ZFP36L1: variants seen among roughly 807,000 people sequenced by gnomAD.
ZFP36L1 encodes the protein ZFP36 like 1 zinc finger CCCH-type.
ZFP36L1 carries 4 observed loss-of-function variants against 16.7 expected under a neutral mutation model. The observed-to-expected ratio is 0.24, with a 90% CI of 0.12 to 0.55. The LOEUF (loss-of-function observed/expected upper bound fraction) is 0.55. ZFP36L1 is among the 20% of genes least tolerant of loss of function. ZFP36L1 has a pLI of 0.94. For synonymous variants in ZFP36L1, 220 were observed against 190.8 expected (o/e 1.15, Z -1.26); for missense variants, 311 against 449.2 (o/e 0.69, Z 2.78).
At position 68,789,304 on chromosome 14, in the gene ZFP36L1, A is replaced by G; in HGVS notation, c.*229T>C. ...GGTAAGTGGGCTATAAAATCCAGGG[A>G]GGGGGTTTCAAGCCAGAAGAAGCTA... On this transcript the variant is annotated 3_prime_UTR_variant, in exon 2 of 2. Transcript: ENST00000439696. This position sits in a 1 kb window ranked among gnomAD's most constrained non-coding sequence, Gnocchi z 4.5. 1.8e-6 allele frequency: 1 copy of G among 565,316 alleles called. No homozygotes were observed. Among genetic ancestry groups the G allele is most frequent in the Non-Finnish European group, 3.0e-6 (1 of 331,106 alleles). The allele number at this position is 565,316 out of a possible 1,614,324, so 35.0% of individuals were successfully genotyped here.
At chr14:68,791,100 G>A in intron 1 of ZFP36L1, 1 of 698,654 alleles carries the variant, frequency 1.4e-6, no homozygotes, top group Non-Finnish European at 2.6e-6. Flanking sequence ...TCTGAGGTTG[G>A]GGGAGACAGG....
chr14:68,790,616 C>CT, intron 1 of ZFP36L1, 124 bp from the exon 2 acceptor site: 1 of 1,349,676 alleles, frequency 7.4e-7, no homozygotes, highest in South Asian at 1.3e-5. Context: ...TACCTCGGCT[C>CT]TAGCAAGCTC....
upstream of ZFP36L1, among the ~76,000 whole-genome samples, chr14:68,795,179 G>A (rs1895214757): frequency 6.6e-6 from 1 of 152,222 alleles, no homozygotes; most frequent in Non-Finnish European, 1.5e-5. Context: ...CAGTTTCTTG[G>A]TGATGAGGTA....
rs1333318251 is a variant in ZFP36L1, at chr14:68,788,217, A to G, written c.*1316T>C. Reference sequence around the variant, plus strand: ...TAATATATTAAAACTGTGGAAAAAAAGGAAAAAGACACGTCACAAAATTTT... The same window carrying G: ...TAATATATTAAAACTGTGGAAAAAAGGGAAAAAGACACGTCACAAAATTTT... On this transcript the variant is annotated 3_prime_UTR_variant, in exon 2 of 2. Coordinates refer to ENST00000439696, the MANE Select transcript of ZFP36L1 (RefSeq NM_004926.4). 1 of 152,178 alleles carries G rather than the reference A, an allele frequency of 6.6e-6. No individual in the cohort carries two copies. Among genetic ancestry groups the G allele is most frequent in the Non-Finnish European group, 1.5e-5 (1 of 68,024 alleles). 9.4% of individuals were successfully genotyped at this position (152,178 alleles called of 1,614,324 possible).
Position 68,788,927 on chromosome 14 carries a change from A to AG in ZFP36L1, c.*605dup, listed in dbSNP as rs1894985373. 3 of 123,376 alleles carry AG rather than the reference A, an allele frequency of 2.4e-5. No individual in the cohort carries two copies. The highest frequency in any genetic ancestry group is 3.5e-5 in the Non-Finnish European group (2 of 57,644). The allele number at this position is 123,376 out of a possible 1,614,324, so 7.6% of individuals were successfully genotyped here. Reference sequence around the variant, plus strand: ...TCTGGCAACAACTCTTCCAAGGGGCAGGGGTGGGGGGGGTGGGGGGGCGGG... The same window carrying AG: ...TCTGGCAACAACTCTTCCAAGGGGCAGGGGGTGGGGGGGGTGGGGGGGCGGG... On this transcript the variant is annotated 3_prime_UTR_variant, in exon 2 of 2. Coordinates refer to ENST00000439696, the MANE Select transcript of ZFP36L1 (RefSeq NM_004926.4).
At position 68,793,045 on chromosome 14, in the gene ZFP36L1, G is replaced by A; in HGVS notation, c.-107C>T. 1 of 1,597,286 alleles carries A rather than the reference G, an allele frequency of 6.3e-7. No homozygotes were observed. The highest frequency in any genetic ancestry group is 1.1e-5 in the South Asian group (1 of 90,472). On this transcript the variant is annotated 5_prime_UTR_variant, in exon 1 of 2. Coordinates refer to ENST00000439696, the MANE Select transcript of ZFP36L1 (RefSeq NM_004926.4). Reference sequence around the variant, plus strand: ...CTGGAGTCCCACACGCCAGTTCCCGGCGCCCCTCGCCTTTCTGACTCCGGG... The same window carrying A: ...CTGGAGTCCCACACGCCAGTTCCCGACGCCCCTCGCCTTTCTGACTCCGGG...
At position 68,789,284 on chromosome 14, in the gene ZFP36L1, G is replaced by A. The variant is rs1480647618; in HGVS notation, c.*249C>T. 3 of 536,430 alleles carry A rather than the reference G, an allele frequency of 5.6e-6. No homozygotes were observed. The East Asian group carries it at 9.1e-5, about 16-fold the overall frequency. 33.2% of individuals were successfully genotyped at this position (536,430 alleles called of 1,614,324 possible). A position where few individuals can be genotyped will look rare whatever the true frequency, so the allele number is the denominator to read the frequency against. On this transcript the variant is annotated 3_prime_UTR_variant, in exon 2 of 2. Coordinates refer to ENST00000439696, the MANE Select transcript of ZFP36L1 (RefSeq NM_004926.4). This position sits in a 1 kb window ranked among gnomAD's most constrained non-coding sequence, Gnocchi z 4.5. The stretch of plus-strand genomic sequence containing the variant: ...GGGACTTGTCTGTTATGCATGGTAA[G>A]TGGGCTATAAAATCCAGGGAGGGGG...
upstream of ZFP36L1, among the ~76,000 whole-genome samples, chr14:68,795,118 G>C (rs1895213055): frequency 6.6e-6 from 1 of 152,198 alleles, no homozygotes; most frequent in African/African-American, 2.4e-5. Context: ...AGGGATGTTT[G>C]CTCGTTCCTT....
upstream of ZFP36L1, chr14:68,794,730 AAC>A (rs1159279987): frequency 2.0e-5 from 3 of 152,376 alleles, no homozygotes; most frequent in Non-Finnish European, 2.9e-5. Context: ...CACCACCCCC[AAC>A]ACACACTTTT....
rs1413002741 is a variant in ZFP36L1 at position 68,790,076 on chromosome 14, G to A, written c.474C>T (p.Cys158=). The A allele has an allele frequency of 6.2e-7, 1 of 1,611,756 alleles. No homozygotes were observed. The highest frequency in any genetic ancestry group is 1.7e-5 in the Admixed American group (1 of 59,604). Residue 158 remains cysteine (C), a synonymous_variant, in exon 2 of 2, where the codon TGC becomes TGT. Coordinates refer to ENST00000439696, the MANE Select transcript of ZFP36L1 (RefSeq NM_004926.4). ...AAAAGCCGATGGTGTGGAAGGTGCG[G>A]CACAGCTCCGTCTTGTACTTGGGGT... The part of the protein sequence containing the change: ...TRHPKYKTEL[C]RTFHTIGFCP...
chr14:68,791,336 A>AC (rs1377443543), intron 1 of ZFP36L1: 24 of 479,836 alleles, frequency 5.0e-5, no homozygotes, highest in Non-Finnish European at 7.7e-5. Flanking sequence ...GAAAGCACCA[A>AC]CCCCCCTACC....
chr14:68,791,661 G>A (rs915354714), intron 1 of ZFP36L1, among the ~76,000 whole-genome samples: 1 of 151,540 alleles, frequency 6.6e-6, no homozygotes, highest in African/African-American at 2.4e-5. Flanking sequence ...CGTGAGGGGG[G>A]AGGGGGGCCA....
rs115919547 is a variant in ZFP36L1, at chr14:68,789,451, G to A, written c.*82C>T. The A allele has an allele frequency of 1.7e-3, 2,632 of 1,586,288 alleles. 35 individuals carry two copies. The African/African-American group carries it at 0.03, about 18-fold the overall frequency. On this transcript the variant is annotated 3_prime_UTR_variant, in exon 2 of 2. Transcript: ENST00000439696. This position sits in a 1 kb window ranked among gnomAD's most constrained non-coding sequence, Gnocchi z 4.5. ...TGTTAATGTAGGGCCTGTGGGGAATGGGATGGGTAGGGAGAAGAGGGTATG... is the reference window on the plus strand; with the variant it reads ...TGTTAATGTAGGGCCTGTGGGGAATAGGATGGGTAGGGAGAAGAGGGTATG...
rs1895017098 is a variant in ZFP36L1, at chr14:68,789,775, C to A, written c.775G>T (p.Ala259Ser). The change falls in exon 2 of 2, where the codon GCA (alanine) becomes TCA (serine). Residue 259 changes from alanine to serine, a missense_variant. Transcript: ENST00000439696. This position sits in a 1 kb window ranked among gnomAD's most constrained non-coding sequence, Gnocchi z 4.5. Reference protein sequence around the residue: ...NPFAFSSQELASLFAPSMGLP... With the variant: ...NPFAFSSQELSSLFAPSMGLP... ...CCCATGCTAGGGGCAAAGAGGCTTG[C>A]CAGCTCCTGGCTGGAGAAGGCAAAA... The A allele has an allele frequency of 1.9e-6, 3 of 1,613,738 alleles. No individual in the cohort carries two copies. Among genetic ancestry groups the A allele is most frequent in the East Asian group, 2.2e-5 (1 of 44,876 alleles).
upstream of ZFP36L1, chr14:68,796,010 C>T: frequency 7.5e-7 from 1 of 1,325,020 alleles, no homozygotes; most frequent in African/African-American, 1.5e-5. Context: ...CCCCCGCCAA[C>T]TTCGCGGTGC....
In ZFP36L1 at chr14:68,790,489, T is replaced by C. The variant is rs1895040921; in HGVS notation, c.61A>G (p.Asn21Asp). ...GGAGCACTATAGTTGAGCATCTTGTTACCCTGGAGAGAGAAGAGAAAGGAT... is the reference window on the plus strand; with the variant it reads ...GGAGCACTATAGTTGAGCATCTTGTCACCCTGGAGAGAGAAGAGAAAGGAT... ...FDLSEVLCKG[N>D]KMLNYSAPSA... Residue 21 changes from asparagine (N) to aspartate (D), a missense_variant, in exon 2 of 2, where the codon AAC (asparagine) becomes GAC (aspartate). Around this residue, in one of 4 missense-constraint regions of ZFP36L1, gnomAD observed 137 missense variants for 142.6 expected, o/e 0.96. Transcript: ENST00000439696. The C allele has an allele frequency of 6.2e-7, 1 of 1,613,846 alleles. No individual in the cohort carries two copies.
At chr14:68,793,701 C>A (rs1184499059), upstream of ZFP36L1, 1 of 985,520 alleles carries the variant, frequency 1.0e-6, no homozygotes, top group Non-Finnish European at 1.2e-6. Context: ...ACCGGGCAGG[C>A]CGAGGACATT....
upstream of ZFP36L1, chr14:68,794,617 T>C (rs1460427988): frequency 6.6e-6 from 1 of 152,352 alleles, no homozygotes; most frequent in Non-Finnish European, 1.5e-5. Context: ...AACCCGGTGC[T>C]GCGGAGTGGC....
intron 1 of ZFP36L1, among the ~76,000 whole-genome samples, chr14:68,792,215 C>T (rs1302079365): frequency 6.8e-6 from 1 of 147,710 alleles, no homozygotes; most frequent in East Asian, 2.1e-4. Flanking sequence ...AATCGATGAG[C>T]CGCAATGCCT....
Sources: gnomAD v4.1 joint callset for allele counts (sites outside exome capture counted in the v4.1 genomes callset) on GRCh38, gnomAD v4.1.1 for gene constraint, gnomAD v4.1.1 regional missense constraint, Gnocchi (gnomAD v3.1) non-coding constraint, MANE v1.5 for transcripts, NCBI Gene and HGNC (gene_info 2026-07-23, HGNC 2026-07-21) for gene names.